Variants in TMCC1 observed in about 807,000 individuals in gnomAD.
TMCC1 encodes transmembrane and coiled-coil domains protein 1.
Under a neutral mutation model 52.4 loss-of-function variants are expected in TMCC1, and 15 were observed. That is an observed-to-expected ratio of 0.29 (90% CI 0.19 to 0.44). The LOEUF (loss-of-function observed/expected upper bound fraction) is 0.44, where lower values mean the gene tolerates loss of function less well. Ranked by LOEUF, TMCC1 falls within the 20% of genes least tolerant of loss-of-function variation. The pLI is 1.00. For missense variants in TMCC1, 503 were observed against 806.0 expected (o/e 0.62, Z 4.55); for synonymous variants, 279 against 301.9 (o/e 0.92, Z 0.79).
intron 6 of TMCC1, among the ~76,000 whole-genome samples, chr3:129,654,656 A>G (rs1411873254): frequency 1.3e-5 from 2 of 152,184 alleles, no homozygotes; most frequent in African/African-American, 4.8e-5. Context: ...ACAAGGACAA[A>G]ATGGCCCAAA....
chr3:129,708,698 A>T (rs1240798621), intron 4 of TMCC1, among the ~76,000 whole-genome samples: 2 of 152,250 alleles, frequency 1.3e-5, no homozygotes, highest in Admixed American at 6.5e-5. Flanking sequence ...TCCTGAAGCA[A>T]GCCATTAGAG....
intron 4 of TMCC1, among the ~76,000 whole-genome samples, chr3:129,720,903 C>T (rs542289365): frequency 5.9e-5 from 9 of 152,070 alleles, no homozygotes; most frequent in African/African-American, 1.7e-4. Flanking sequence ...ATGTTGCTCA[C>T]GCTGGTCTTG....
intron 4 of TMCC1, among the ~76,000 whole-genome samples, chr3:129,797,054 G>A (rs559706366): frequency 1.3e-5 from 2 of 152,074 alleles, no homozygotes; most frequent in Non-Finnish European, 2.9e-5. Flanking sequence ...GGCCAGGCGC[G>A]GTGGCTCACG....
At chr3:129,791,088 A>ATTTT (rs34048545) in intron 4 of TMCC1, among the ~76,000 whole-genome samples, 4 of 82,968 alleles carry the variant, frequency 4.8e-5, no homozygotes, top group African/African-American at 1.6e-4. Context: ...ACACTCCATA[A>ATTTT]TTTTTTTTTT....
At chr3:129,806,372 TCAGTCCTCTTC>T (rs1459861964) in intron 4 of TMCC1, among the ~76,000 whole-genome samples, 1 of 152,244 alleles carries the variant, frequency 6.6e-6, no homozygotes, top group Admixed American at 6.5e-5. Flanking sequence ...GATGAGAATT[TCAGTCCTCTTC>T]CACCTCGTCT....
chr3:129,788,183 A>G (rs1385209134), intron 4 of TMCC1, among the ~76,000 whole-genome samples: 1 of 152,222 alleles, frequency 6.6e-6, no homozygotes, highest in Non-Finnish European at 1.5e-5. Flanking sequence ...ATAGCTGTGT[A>G]CTTAAAAAAT....
Position 129,655,947 on chromosome 3 carries a change from G to A in TMCC1, c.1512-844C>T, listed in dbSNP as rs1010434703. Reference sequence around the variant, plus strand: ...GAAAAATGAATGTGAGTAAAGGGCTGGAGAGAAATGGATGATAAATGTACA... The same window carrying A: ...GAAAAATGAATGTGAGTAAAGGGCTAGAGAGAAATGGATGATAAATGTACA... On this transcript the variant is annotated intron_variant, in intron 5 of 6. Coordinates refer to ENST00000393238, the MANE Select transcript of TMCC1 (RefSeq NM_001017395.5). Among the ~76,000 whole-genome samples, 15 of 152,144 alleles carry A rather than the reference G, an allele frequency of 9.9e-5. 1 individual carries two copies. Among genetic ancestry groups the A allele is most frequent in the Non-Finnish European group, 1.5e-4 (10 of 68,030 alleles).
chr3:129,854,045 T>A (rs2060033990), intron 2 of TMCC1, among the ~76,000 whole-genome samples: 1 of 152,128 alleles, frequency 6.6e-6, no homozygotes, highest in African/African-American at 2.4e-5. Flanking sequence ...CCAATACCCC[T>A]ACATCCACTC....
intron 2 of TMCC1, chr3:129,867,032 T>C (rs1055664023): frequency 2.6e-5 from 4 of 152,082 alleles, no homozygotes; most frequent in African/African-American, 9.7e-5. Flanking sequence ...ACTCCAAGAT[T>C]ACGACATCAT....
At chr3:129,878,972 T>C (rs2061345304) in intron 2 of TMCC1, among the ~76,000 whole-genome samples, 1 of 152,218 alleles carries the variant, frequency 6.6e-6, no homozygotes, top group South Asian at 2.1e-4. Flanking sequence ...TTCTCATATA[T>C]GTGTATGGCT....
At chr3:129,826,455 C>T (rs1156318198) in intron 4 of TMCC1, among the ~76,000 whole-genome samples, 1 of 151,944 alleles carries the variant, frequency 6.6e-6, no homozygotes. Context: ...CTGCAGTGAG[C>T]CACGATCACA....
At chr3:129,856,469 A>G (rs1219171215) in intron 2 of TMCC1, among the ~76,000 whole-genome samples, 1 of 152,176 alleles carries the variant, frequency 6.6e-6, no homozygotes, top group Non-Finnish European at 1.5e-5. Context: ...TCTTTTTTCA[A>G]AAACACTGCT....
At chr3:129,798,287 G>A (rs1375251858) in intron 4 of TMCC1, among the ~76,000 whole-genome samples, 1 of 152,084 alleles carries the variant, frequency 6.6e-6, no homozygotes, top group Non-Finnish European at 1.5e-5. Context: ...GAGCCACCAT[G>A]CCCAGCCGCC....
At chr3:129,710,078 C>T (rs906400631) in intron 4 of TMCC1, among the ~76,000 whole-genome samples, 1 of 151,916 alleles carries the variant, frequency 6.6e-6, no homozygotes, top group African/African-American at 2.4e-5. Flanking sequence ...CCCAGCTACT[C>T]GGGAGGCTGA....
intron 4 of TMCC1, among the ~76,000 whole-genome samples, chr3:129,782,682 G>A (rs1448299762): frequency 6.6e-6 from 1 of 152,176 alleles, no homozygotes; most frequent in African/African-American, 2.4e-5. Context: ...GAAGGGGTTG[G>A]AGGAAAGAGA....
intron 4 of TMCC1, among the ~76,000 whole-genome samples, chr3:129,690,440 T>C (rs1451203685): frequency 6.6e-6 from 1 of 152,230 alleles, no homozygotes; most frequent in Non-Finnish European, 1.5e-5. Context: ...AAGATTAATG[T>C]TTGTTACAAT....
intron 4 of TMCC1, among the ~76,000 whole-genome samples, chr3:129,678,359 C>CTTTTTTT (rs71155564): frequency 8.5e-5 from 10 of 117,200 alleles, no homozygotes; most frequent in Non-Finnish European, 1.3e-4. Flanking sequence ...TTGTTTAATT[C>CTTTTTTT]TTTTTTTTTT....
At chr3:129,722,432 G>A (rs1020999458) in intron 4 of TMCC1, among the ~76,000 whole-genome samples, 2 of 152,232 alleles carry the variant, frequency 1.3e-5, no homozygotes, top group East Asian at 3.9e-4. Context: ...TGGAAAAATT[G>A]TCTTCCACAA....
intron 5 of TMCC1, among the ~76,000 whole-genome samples, chr3:129,656,938 A>C (rs1311498714): frequency 6.6e-6 from 1 of 152,184 alleles, no homozygotes; most frequent in African/African-American, 2.4e-5. Flanking sequence ...AGATAATGTT[A>C]ACATAATGTC....
Sources: gnomAD v4.1 joint callset for allele counts (sites outside exome capture counted in the v4.1 genomes callset) on GRCh38, gnomAD v4.1.1 for gene constraint, MANE v1.5 for transcripts, NCBI Gene and HGNC (gene_info 2026-07-23, HGNC 2026-07-21) for gene names.